The following TMEM117 variants were observed in gnomAD, a reference collection of about 807,000 sequenced individuals.
TMEM117 encodes transmembrane protein 117.
Under a neutral mutation model 52.4 loss-of-function variants are expected in TMEM117, and 27 were observed. The observed-to-expected ratio is 0.51, with a 90% CI of 0.38 to 0.71. The LOEUF (loss-of-function observed/expected upper bound fraction) is 0.71. Among genes scored for constraint, TMEM117 ranks in the 30% least tolerant of loss-of-function variants. The probability of loss-of-function intolerance (pLI) is 0.00; values close to 1 mark genes in which losing one functional copy is unlikely to be tolerated. For synonymous variants in TMEM117, 215 were observed against 206.3 expected (o/e 1.04, Z -0.36); for missense variants, 556 against 630.5 (o/e 0.88, Z 1.26).
At chr12:43,938,149 T>TG (rs1023094182) in intron 2 of TMEM117, among the ~76,000 whole-genome samples, 2 of 151,534 alleles carry the variant, frequency 1.3e-5, no homozygotes, top group African/African-American at 4.8e-5. Flanking sequence ...ATGTGAGGGC[T>TG]GGGGTATGCA....
the TMEM117 span, among the ~76,000 whole-genome samples, chr12:43,830,610 CAAAAA>C: frequency 6.3e-5 from 6 of 94,768 alleles, no homozygotes; most frequent in Non-Finnish European, 4.8e-5. Flanking sequence ...ACACTTGTCT[CAAAAA>C]AAAAAAAAAA....
At chr12:44,350,224 T>C (rs991426563) in intron 6 of TMEM117, among the ~76,000 whole-genome samples, 19 of 152,128 alleles carry the variant, frequency 1.2e-4, no homozygotes, top group African/African-American at 4.1e-4. Flanking sequence ...TATATATCTT[T>C]ATCACAATCT....
intron 5 of TMEM117, among the ~76,000 whole-genome samples, chr12:44,223,788 TC>T (rs1180997556): frequency 6.6e-6 from 1 of 152,076 alleles, no homozygotes; most frequent in Non-Finnish European, 1.5e-5. Flanking sequence ...ACTTGTGAGG[TC>T]CTAAAGCAAA....
At chr12:44,143,752 A>G in intron 4 of TMEM117, 128 bp downstream of exon 4, 1 of 630,788 alleles carries the variant, frequency 1.6e-6, no homozygotes, top group Non-Finnish European at 2.7e-6. Context: ...CAAATTTATG[A>G]GTAAAGATAA....
At chr12:43,828,086 T>C in the TMEM117 span, among the ~76,000 whole-genome samples, 6 of 152,202 alleles carry the variant, frequency 3.9e-5, no homozygotes, top group Non-Finnish European at 7.3e-5. Context: ...TCCCTAGAAC[T>C]GTGAGAAAAT....
intron 3 of TMEM117, among the ~76,000 whole-genome samples, chr12:43,960,908 C>T (rs1945392169): frequency 6.6e-6 from 1 of 152,020 alleles, no homozygotes; most frequent in African/African-American, 2.4e-5. Flanking sequence ...ATGCATGCTT[C>T]CAAGGTGAAG....
At chr12:43,830,475 T>C in the TMEM117 span, among the ~76,000 whole-genome samples, 76 of 151,956 alleles carry the variant, frequency 5.0e-4, no homozygotes, top group African/African-American at 1.8e-3. Context: ...CCAGGCGTGG[T>C]GGTGCACGCC....
chr12:44,104,353 A>C (rs1051051168), intron 3 of TMEM117, among the ~76,000 whole-genome samples: 1 of 151,758 alleles, frequency 6.6e-6, no homozygotes, highest in African/African-American at 2.4e-5. Flanking sequence ...TTTTGAGCAT[A>C]CACAATCTCA....
chr12:43,952,029 C>T (rs1457082316), intron 3 of TMEM117, among the ~76,000 whole-genome samples: 1 of 152,142 alleles, frequency 6.6e-6, no homozygotes, highest in African/African-American at 2.4e-5. Context: ...CAAACTGCAG[C>T]AGACCTGCAG....
chr12:43,945,109 CTAAA>C (rs71091187), intron 3 of TMEM117, among the ~76,000 whole-genome samples: 6,536 of 141,686 alleles, frequency 0.046, 451 homozygotes, highest in African/African-American at 0.16. Flanking sequence ...GACTCCGTCT[CTAAA>C]TAAATAAATA....
At chr12:44,026,119 C>T (rs1201848999) in intron 3 of TMEM117, among the ~76,000 whole-genome samples, 1 of 152,124 alleles carries the variant, frequency 6.6e-6, no homozygotes, top group African/African-American at 2.4e-5. Context: ...ACATCTTGGT[C>T]TTGTGATTAT....
chr12:43,810,032 A>T, the TMEM117 span, among the ~76,000 whole-genome samples: 1 of 152,268 alleles, frequency 6.6e-6, no homozygotes, highest in Non-Finnish European at 1.5e-5. Context: ...AGACTGAAGT[A>T]ATATTAATAA....
rs1350295198 is a variant in TMEM117 at position 44,388,280 on chromosome 12, T to C, written c.1153T>C (p.Phe385Leu). The change falls in exon 8 of 8, where the codon TTC (phenylalanine) becomes CTC (leucine). Residue 385 changes from phenylalanine (F) to leucine (L), a missense_variant. Around this residue, in one of 3 missense-constraint regions of TMEM117, gnomAD observed 206 missense variants for 211.1 expected, o/e 0.98. Coordinates refer to ENST00000266534, the MANE Select transcript of TMEM117 (RefSeq NM_032256.3). Reference protein sequence around the residue: ...VEGDMFLHSRFIGASLDVKCL... With the variant: ...VEGDMFLHSRLIGASLDVKCL... Reference sequence around the variant, plus strand: ...GGGAGACATGTTCTTACACAGCAGGTTCATAGGAGCCAGTCTTGATGTCAA... The same window carrying C: ...GGGAGACATGTTCTTACACAGCAGGCTCATAGGAGCCAGTCTTGATGTCAA... 6.2e-7 allele frequency: 1 copy of C among 1,613,574 alleles called. No homozygotes were observed. The highest frequency in any genetic ancestry group is 2.2e-5 in the East Asian group (1 of 44,872).
intron 5 of TMEM117, among the ~76,000 whole-genome samples, chr12:44,297,130 T>C (rs1192713661): frequency 8.5e-5 from 13 of 152,210 alleles, no homozygotes; most frequent in Admixed American, 6.5e-4. Flanking sequence ...AGTTCCTTTA[T>C]AAATATTGTA....
chr12:44,319,515 G>A (rs1023747783), intron 6 of TMEM117, among the ~76,000 whole-genome samples: 18 of 152,152 alleles, frequency 1.2e-4, no homozygotes, highest in Non-Finnish European at 2.9e-5. Flanking sequence ...GGTCTGGGAC[G>A]TCCTTCACTG....
chr12:44,028,562 G>A (rs570900429), intron 3 of TMEM117, among the ~76,000 whole-genome samples: 4 of 152,258 alleles, frequency 2.6e-5, no homozygotes, highest in African/African-American at 4.8e-5. Context: ...GAGTGGCCTC[G>A]GTCGTCCTCA....
chr12:43,806,504 C>A, the TMEM117 span: 2 of 600,856 alleles, frequency 3.3e-6, no homozygotes, highest in Non-Finnish European at 4.4e-6. Flanking sequence ...CTCTTGCCGC[C>A]GCCTCTCCCG....
At chr12:44,026,079 A>G (rs1424034250) in intron 3 of TMEM117, among the ~76,000 whole-genome samples, 1 of 152,194 alleles carries the variant, frequency 6.6e-6, no homozygotes, top group East Asian at 1.9e-4. Flanking sequence ...GTTTGTGGCT[A>G]TAGCAGGTGA....
intron 5 of TMEM117, among the ~76,000 whole-genome samples, chr12:44,217,221 C>T (rs1458417146): frequency 3.3e-5 from 5 of 152,132 alleles, no homozygotes; most frequent in African/African-American, 1.2e-4. Context: ...TTGACGTCCT[C>T]TACAGAGCAA....
Sources: gnomAD v4.1 joint callset for allele counts (sites outside exome capture counted in the v4.1 genomes callset) on GRCh38, gnomAD v4.1.1 for gene constraint, gnomAD v4.1.1 regional missense constraint, MANE v1.5 for transcripts, NCBI Gene and HGNC (gene_info 2026-07-23, HGNC 2026-07-21) for gene names.